HDAC4: variants seen among roughly 807,000 people sequenced by gnomAD.
The protein encoded by HDAC4 is histone deacetylase A.
HDAC4 carries 16 observed loss-of-function variants against 135.1 expected under a neutral mutation model. The observed-to-expected ratio is 0.12, with a 90% CI of 0.08 to 0.18. The LOEUF (loss-of-function observed/expected upper bound fraction) is 0.18. Among genes scored for constraint, HDAC4 ranks in the 10% least tolerant of loss-of-function variants. HDAC4 has a pLI of 1.00. For missense variants in HDAC4, 1,143 were observed against 1,511.8 expected, an observed-to-expected ratio of 0.76 and a Z score of 4.05; for synonymous variants, 685 against 653.4, an observed-to-expected ratio of 1.05 and a Z score of -0.74.
chr2:239,270,794 G>C (rs2050018466), intron 2 of HDAC4, among the ~76,000 whole-genome samples: 1 of 152,186 alleles, frequency 6.6e-6, no homozygotes, highest in Non-Finnish European at 1.5e-5. Context: ...TGAGCAGCAC[G>C]TGCAGACTTA....
chr2:239,101,151 G>A lies in HDAC4; in HGVS notation c.2233+1625C>T, dbSNP rs573402573. ...CACCCCGGCCCACCTGCTTCCTACT[G>A]CTGTTCACTCCCTTCTCACTTTCCC... On this transcript the variant is annotated intron_variant, in intron 16 of 26. Transcript: ENST00000543185. 5.6e-4 allele frequency among the ~76,000 whole-genome samples: 85 copies of A among 152,226 alleles called. 1 individual carries two copies. In the South Asian group the frequency reaches 0.017, roughly 30 times the overall value.
At chr2:239,301,022 G>T (rs1225060337) in intron 2 of HDAC4, among the ~76,000 whole-genome samples, 1 of 152,174 alleles carries the variant, frequency 6.6e-6, no homozygotes, top group East Asian at 1.9e-4. Flanking sequence ...CCTCCTCCGG[G>T]CTCCAAGAGC....
At chr2:239,328,046 G>A (rs183886991) in intron 2 of HDAC4, among the ~76,000 whole-genome samples, 3 of 152,168 alleles carry the variant, frequency 2.0e-5, no homozygotes, top group East Asian at 1.9e-4. Flanking sequence ...ACTGGTCCCC[G>A]CCCTGAGCAA....
chr2:239,082,482 AC>A (rs920150202), intron 20 of HDAC4, among the ~76,000 whole-genome samples: 1 of 152,226 alleles, frequency 6.6e-6, no homozygotes, highest in Admixed American at 6.5e-5. Context: ...GCGCCATGGC[AC>A]AATCCTGACT....
At chr2:239,310,966 A>G (rs942768154) in intron 2 of HDAC4, among the ~76,000 whole-genome samples, 3 of 152,174 alleles carry the variant, frequency 2.0e-5, no homozygotes, top group Non-Finnish European at 2.9e-5. Context: ...CCCTAATACT[A>G]AGCAAGAGCA....
At chr2:239,358,113 G>A (rs533535922) in intron 1 of HDAC4, among the ~76,000 whole-genome samples, 14 of 152,220 alleles carry the variant, frequency 9.2e-5, no homozygotes, top group South Asian at 2.1e-4. Flanking sequence ...CAGAGCAGCC[G>A]GGCTGTGACA....
chr2:239,276,728 C>T (rs541616610), intron 2 of HDAC4, among the ~76,000 whole-genome samples: 11 of 152,304 alleles, frequency 7.2e-5, no homozygotes, highest in South Asian at 6.2e-4. Context: ...GGACACTGCT[C>T]GCTGCCCAGA....
chr2:239,396,912 CG>C (rs1696597240), intron 1 of HDAC4, among the ~76,000 whole-genome samples: 1 of 152,202 alleles, frequency 6.6e-6, no homozygotes, highest in Admixed American at 6.5e-5. Context: ...AGCTCCCTTC[CG>C]TCACCCCCAC....
chr2:239,102,327 C>A (rs2037743500), intron 16 of HDAC4, among the ~76,000 whole-genome samples: 1 of 152,200 alleles, frequency 6.6e-6, no homozygotes, highest in South Asian at 2.1e-4. Context: ...AAATTCCCCT[C>A]CACCACCTGT....
chr2:239,344,262 G>A (rs890368426), intron 2 of HDAC4, among the ~76,000 whole-genome samples: 3 of 152,044 alleles, frequency 2.0e-5, no homozygotes, highest in African/African-American at 4.8e-5. Context: ...CTCACACCGC[G>A]TTTTCTATGT....
intron 1 of HDAC4, among the ~76,000 whole-genome samples, chr2:239,396,954 GAGA>G (rs140051458): frequency 0.084 from 12,718 of 152,174 alleles, 1,256 homozygotes; most frequent in African/African-American, 0.24. Context: ...GACTTTGCAG[GAGA>G]AGAACATGAT....
At chr2:239,389,911 C>G (rs549622451) in intron 1 of HDAC4, among the ~76,000 whole-genome samples, 7 of 152,204 alleles carry the variant, frequency 4.6e-5, no homozygotes, top group Non-Finnish European at 7.3e-5. Context: ...GAGTTCAATA[C>G]GTGGCTGGAG....
chr2:239,055,567 C>G (rs1245660868), intron 24 of HDAC4, among the ~76,000 whole-genome samples: 2 of 151,900 alleles, frequency 1.3e-5, no homozygotes, highest in South Asian at 2.1e-4. Flanking sequence ...AAATACAAAA[C>G]TTAGCCAGGT....
rs961268877 is a variant in HDAC4 at position 239,150,607 on chromosome 2, C to T, written c.734-5893G>A. On this transcript the variant is annotated intron_variant, in intron 7 of 26. Coordinates refer to ENST00000543185, the MANE Select transcript of HDAC4 (RefSeq NM_001378414.1). ...CATACAGCAGCAGGAAGTCTCACCG[C>T]GCTGCACCTCCTGAAGTATGTACCA... Among the ~76,000 whole-genome samples the T allele has an allele frequency of 1.3e-4, 18 of 141,912 alleles. 1 individual carries two copies. In the South Asian group the frequency reaches 1.4e-3, roughly 11 times the overall value. 93.1% of individuals were successfully genotyped at this position (141,912 alleles called of 152,430 possible).
At chr2:239,128,222 G>A (rs575418560) in intron 11 of HDAC4, among the ~76,000 whole-genome samples, 42 of 152,192 alleles carry the variant, frequency 2.8e-4, no homozygotes, top group African/African-American at 9.6e-4. Flanking sequence ...CCCTGAAAAC[G>A]TAAAAAAAGA....
At chr2:239,178,583 T>TCTGTTTCGGGG (rs1253801636) in intron 4 of HDAC4, among the ~76,000 whole-genome samples, 1 of 151,952 alleles carries the variant, frequency 6.6e-6, no homozygotes, top group African/African-American at 2.4e-5. Flanking sequence ...AAGATCTTGC[T>TCTGTTTCGGGG]CTGTTGCTGG....
intron 2 of HDAC4, among the ~76,000 whole-genome samples, chr2:239,266,466 C>G (rs1415206241): frequency 1.3e-5 from 2 of 152,212 alleles, no homozygotes; most frequent in Non-Finnish European, 1.5e-5. Flanking sequence ...CCATGCTACC[C>G]CCACCTATTC....
At position 239,285,207 on chromosome 2, in the gene HDAC4, A is replaced by C. The variant is rs1004650727; in HGVS notation, c.23-48543T>G. Among the ~76,000 whole-genome samples the C allele has an allele frequency of 3.9e-5, 6 of 152,330 alleles. No homozygotes were observed. The highest frequency in any genetic ancestry group is 1.2e-4 in the African/African-American group (5 of 41,590). The stretch of plus-strand genomic sequence containing the variant: ...CAGTGAGAAAACAGGCAGCTGGATG[A>C]GCACAGAGCCACGGTGGAGGGGGAC... On this transcript the variant is annotated intron_variant, in intron 2 of 26. Transcript: ENST00000543185. This position sits in a 1 kb window ranked among gnomAD's most constrained non-coding sequence, Gnocchi z 4.5.
At chr2:239,256,433 G>A (rs2049056139) in intron 2 of HDAC4, among the ~76,000 whole-genome samples, 1 of 152,236 alleles carries the variant, frequency 6.6e-6, no homozygotes. Context: ...GAAAGGACAG[G>A]CTGGTCGGGG....
Sources: allele counts gnomAD v4.1 joint callset (sites outside exome capture counted in the v4.1 genomes callset), GRCh38; gene constraint gnomAD v4.1.1; non-coding constraint Gnocchi (gnomAD v3.1); transcripts MANE v1.5; gene names NCBI Gene and HGNC (gene_info 2026-07-23, HGNC 2026-07-21).